The following PALLD variants were observed in gnomAD, a reference collection of about 807,000 sequenced individuals.
PALLD encodes the protein palladin.
PALLD carries 61 observed loss-of-function variants against 123.5 expected under a neutral mutation model. The observed-to-expected ratio is 0.49, with a 90% CI of 0.40 to 0.61. The LOEUF (loss-of-function observed/expected upper bound fraction) is 0.61, where lower values mean the gene tolerates loss of function less well. PALLD is among the 20% of genes least tolerant of loss of function. The probability of loss-of-function intolerance (pLI) is 0.00; values close to 1 mark genes in which losing one functional copy is unlikely to be tolerated. For missense variants in PALLD, 1,273 were observed against 1,377.0 expected, an observed-to-expected ratio of 0.92 and a Z score of 1.20; for synonymous variants, 465 against 496.4, an observed-to-expected ratio of 0.94 and a Z score of 0.84.
chr4:168,881,525 G>A (rs1752606203), intron 10 of PALLD, among the ~76,000 whole-genome samples: 1 of 146,502 alleles, frequency 6.8e-6, no homozygotes, highest in Non-Finnish European at 1.5e-5. Flanking sequence ...GCCGGAGAGA[G>A]GTTGACTGCG....
At chr4:168,916,891 A>C (rs1287194470) in intron 17 of PALLD, among the ~76,000 whole-genome samples, 1 of 151,716 alleles carries the variant, frequency 6.6e-6, no homozygotes, top group Admixed American at 6.6e-5. Context: ...GGCTGGTCTC[A>C]AACTCCTGAC....
intron 10 of PALLD, among the ~76,000 whole-genome samples, chr4:168,777,984 A>T (rs1328487875): frequency 6.6e-6 from 1 of 152,144 alleles, no homozygotes; most frequent in Non-Finnish European, 1.5e-5. Flanking sequence ...CACCAGACTC[A>T]CCTCAACCTC....
chr4:168,897,109 C>T (rs1337818534), intron 13 of PALLD, among the ~76,000 whole-genome samples: 1 of 152,176 alleles, frequency 6.6e-6, no homozygotes, highest in Non-Finnish European at 1.5e-5. Flanking sequence ...GGGAATACGG[C>T]ATGAGCCACA....
chr4:168,894,662 G>A lies in PALLD; in HGVS notation c.2184G>A (p.Glu728=). 6.2e-7 allele frequency: 1 copy of A among 1,613,518 alleles called. No homozygotes were observed. The highest frequency in any genetic ancestry group is 8.5e-7 in the Non-Finnish European group (1 of 1,179,592). ...ATVFNIQEPE[E]ETANQDIGSP... Reference sequence around the variant, plus strand: ...TCTTTAATATTCAGGAGCCAGAAGAGGAAACAGCTAATCAGGTACCATGTT... The same window carrying A: ...TCTTTAATATTCAGGAGCCAGAAGAAGAAACAGCTAATCAGGTACCATGTT... Residue 728 remains glutamate (E), a synonymous_variant, in exon 12 of 22, where the codon GAG becomes GAA. Coordinates refer to ENST00000505667, the MANE Select transcript of PALLD (RefSeq NM_001166108.2).
At chr4:168,573,896 C>T (rs145051644) in intron 2 of PALLD, among the ~76,000 whole-genome samples, 166 of 151,122 alleles carry the variant, frequency 1.1e-3, no homozygotes, top group Middle Eastern at 3.5e-3. Context: ...CAACCTTTTA[C>T]GTTTGAATCT....
At chr4:168,793,405 A>G (rs1431340584) in intron 10 of PALLD, among the ~76,000 whole-genome samples, 1 of 151,144 alleles carries the variant, frequency 6.6e-6, no homozygotes, top group Non-Finnish European at 1.5e-5. Flanking sequence ...TACATATCAC[A>G]GTAAAAATAT....
intron 2 of PALLD, among the ~76,000 whole-genome samples, chr4:168,613,730 AG>A (rs1773951591): frequency 6.6e-6 from 1 of 152,272 alleles, no homozygotes; most frequent in Admixed American, 6.5e-5. Context: ...CAAGACTTCC[AG>A]GAGACAGAGT....
chr4:168,818,378 A>G (rs1742264360), intron 10 of PALLD, among the ~76,000 whole-genome samples: 1 of 152,160 alleles, frequency 6.6e-6, no homozygotes, highest in Non-Finnish European at 1.5e-5. Flanking sequence ...CAGGAGGATC[A>G]CTTGAGCCCA....
chr4:168,609,531 G>A (rs769906544), intron 2 of PALLD, among the ~76,000 whole-genome samples: 10 of 152,134 alleles, frequency 6.6e-5, no homozygotes, highest in Non-Finnish European at 8.8e-5. Flanking sequence ...GATGTCACCA[G>A]CACTTCCAGC....
chr4:168,635,893 T>C (rs1268796819), intron 2 of PALLD, among the ~76,000 whole-genome samples: 2 of 152,102 alleles, frequency 1.3e-5, no homozygotes, highest in Non-Finnish European at 2.9e-5. Flanking sequence ...ATTGGAAAAA[T>C]GTCAAGAAGG....
intron 10 of PALLD, among the ~76,000 whole-genome samples, chr4:168,727,504 G>A (rs541729996): frequency 6.6e-6 from 1 of 152,204 alleles, no homozygotes; most frequent in South Asian, 2.1e-4. Context: ...TTGGCTGCTT[G>A]TATGTTTTCT....
intron 10 of PALLD, among the ~76,000 whole-genome samples, chr4:168,778,861 A>G (rs547539300): frequency 1.3e-5 from 2 of 152,178 alleles, no homozygotes; most frequent in Admixed American, 6.5e-5. Context: ...GAGTCTCACT[A>G]TGTCACCCAG....
At chr4:168,717,540 C>G (rs138464009) in intron 10 of PALLD, among the ~76,000 whole-genome samples, 1 of 151,798 alleles carries the variant, frequency 6.6e-6, no homozygotes, top group African/African-American at 2.4e-5. Flanking sequence ...TAGTAGAGAC[C>G]GGGTTTCACC....
In PALLD at chr4:168,623,989, AT is replaced by A. The variant is rs1343569748; in HGVS notation, c.909-44200del. On this transcript the variant is annotated intron_variant, in intron 2 of 21. Coordinates refer to ENST00000505667, the MANE Select transcript of PALLD (RefSeq NM_001166108.2). Reference sequence around the variant, plus strand: ...TGTTATTCAACTCTGTATCCTGAAAATATCTCCATATTATCTAACATCATTT... The same window carrying A: ...TGTTATTCAACTCTGTATCCTGAAAAATCTCCATATTATCTAACATCATTT... Among the ~76,000 whole-genome samples the A allele has an allele frequency of 2.6e-5, 4 of 152,232 alleles. No individual in the cohort carries two copies. In the South Asian group the frequency reaches 8.3e-4, roughly 31 times the overall value.
chr4:168,733,022 A>C (rs1221486366), intron 10 of PALLD, among the ~76,000 whole-genome samples: 1 of 152,206 alleles, frequency 6.6e-6, no homozygotes, highest in East Asian at 1.9e-4. Context: ...TTTAGGACTC[A>C]TGTAAGCATA....
chr4:168,886,757 T>C lies in PALLD; in HGVS notation c.1965-4165T>C, dbSNP rs539922677. 7.9e-5 allele frequency among the ~76,000 whole-genome samples: 12 copies of C among 152,330 alleles called. No individual in the cohort carries two copies. The East Asian group carries it at 1.9e-3, about 24-fold the overall frequency. On this transcript the variant is annotated intron_variant, in intron 10 of 21. Coordinates refer to ENST00000505667, the MANE Select transcript of PALLD (RefSeq NM_001166108.2). ...AAAGAGGAAAATGTCTTTAACATTGTAGGAAATTAGGAATTAAGTAACTGC... is the reference window on the plus strand; with the variant it reads ...AAAGAGGAAAATGTCTTTAACATTGCAGGAAATTAGGAATTAAGTAACTGC...
chr4:168,598,727 T>C (rs1772242729), intron 2 of PALLD: 1 of 410,400 alleles, frequency 2.4e-6, no homozygotes, highest in Non-Finnish European at 5.0e-6. Flanking sequence ...TTGCCTCCTA[T>C]CTGGACCTGA....
At chr4:168,756,201 T>TG (rs1346348505) in intron 10 of PALLD, 3 of 183,044 alleles carry the variant, frequency 1.6e-5, no homozygotes, top group African/African-American at 4.8e-5. Context: ...TGAGCCCAGG[T>TG]GTTGCTTGTT....
At chr4:168,513,060 T>G (rs1762673196) in intron 2 of PALLD, among the ~76,000 whole-genome samples, 1 of 137,656 alleles carries the variant, frequency 7.3e-6, no homozygotes, top group Non-Finnish European at 1.6e-5. Context: ...AATGTAAAAG[T>G]TGGAAAGAAA....
Sources: gnomAD v4.1 joint callset for allele counts (sites outside exome capture counted in the v4.1 genomes callset) on GRCh38, gnomAD v4.1.1 for gene constraint, MANE v1.5 for transcripts, NCBI Gene and HGNC (gene_info 2026-07-23, HGNC 2026-07-21) for gene names.